Variants in BMPR1B observed in about 807,000 individuals in gnomAD.
BMPR1B encodes the protein bone morphogenetic protein receptor type 1B, also known as bone morphogenetic protein receptor type-1B.
BMPR1B carries 12 observed loss-of-function variants against 59.1 expected under a neutral mutation model. The observed-to-expected ratio is 0.20, with a 90% CI of 0.13 to 0.33. The LOEUF is 0.33. Ranked by LOEUF, BMPR1B falls within the 10% of genes least tolerant of loss-of-function variation. BMPR1B has a pLI of 1.00. For synonymous variants in BMPR1B, 237 were observed against 207.3 expected (o/e 1.14, Z -1.23); for missense variants, 550 against 610.9 (o/e 0.90, Z 1.05).
intron 3 of BMPR1B, among the ~76,000 whole-genome samples, chr4:95,046,275 C>G (rs1291495604): frequency 6.6e-6 from 1 of 152,132 alleles, no homozygotes; most frequent in Admixed American, 6.5e-5. Context: ...AATGATCACA[C>G]TGTTTGTGAC....
chr4:94,787,751 C>T (rs1390890355), intron 1 of BMPR1B, among the ~76,000 whole-genome samples: 2 of 152,102 alleles, frequency 1.3e-5, no homozygotes, highest in East Asian at 1.9e-4. Context: ...GGGCTCTAGG[C>T]GAGAACTTAG....
At chr4:94,820,192 T>C (rs1724153897) in intron 1 of BMPR1B, among the ~76,000 whole-genome samples, 1 of 152,184 alleles carries the variant, frequency 6.6e-6, no homozygotes, top group Admixed American at 6.5e-5. Flanking sequence ...AGAGAAAGAA[T>C]TTTCTAGGGT....
At chr4:94,903,001 C>T (rs943275657) in intron 2 of BMPR1B, among the ~76,000 whole-genome samples, 2 of 152,000 alleles carry the variant, frequency 1.3e-5, no homozygotes, top group African/African-American at 2.4e-5. Context: ...ATGCTTGGCA[C>T]ATAGCAGGGT....
chr4:95,085,664 G>T (rs1162364669), intron 3 of BMPR1B, among the ~76,000 whole-genome samples: 1 of 152,178 alleles, frequency 6.6e-6, no homozygotes, highest in African/African-American at 2.4e-5. Context: ...TGGGAAACTT[G>T]ATATGTGTAA....
chr4:94,811,634 G>A (rs946135187), intron 1 of BMPR1B, among the ~76,000 whole-genome samples: 1 of 152,124 alleles, frequency 6.6e-6, no homozygotes, highest in Non-Finnish European at 1.5e-5. Context: ...ACAAATGCTT[G>A]AGTACAAAAT....
intron 2 of BMPR1B, among the ~76,000 whole-genome samples, chr4:94,877,533 G>A (rs1196253078): frequency 6.6e-6 from 1 of 152,214 alleles, no homozygotes; most frequent in Non-Finnish European, 1.5e-5. Flanking sequence ...AAGAGAGAAC[G>A]AGCGGGTGCC....
chr4:95,072,417 A>G (rs1728375899), intron 3 of BMPR1B, among the ~76,000 whole-genome samples: 5 of 152,174 alleles, frequency 3.3e-5, no homozygotes, highest in Admixed American at 2.6e-4. Context: ...GTTCATTCAC[A>G]TTTATTCAAT....
At chr4:94,899,190 T>C (rs1369829784) in intron 2 of BMPR1B, among the ~76,000 whole-genome samples, 1 of 151,966 alleles carries the variant, frequency 6.6e-6, no homozygotes, top group African/African-American at 2.4e-5. Context: ...TGCCTCCCTC[T>C]CATGAGGACA....
At chr4:94,944,123 T>C (rs1037457206) in intron 2 of BMPR1B, among the ~76,000 whole-genome samples, 7 of 152,144 alleles carry the variant, frequency 4.6e-5, no homozygotes, top group African/African-American at 1.7e-4. Flanking sequence ...CATAAATGAA[T>C]TTCATGTTTA....
At chr4:94,877,212 C>T (rs1195448615) in intron 2 of BMPR1B, among the ~76,000 whole-genome samples, 1 of 152,048 alleles carries the variant, frequency 6.6e-6, no homozygotes, top group East Asian at 1.9e-4. Flanking sequence ...GGGAGTAAGC[C>T]AGAAATAATT....
intron 2 of BMPR1B, among the ~76,000 whole-genome samples, chr4:94,981,101 C>T (rs540831256): frequency 6.6e-6 from 1 of 152,154 alleles, no homozygotes; most frequent in African/African-American, 2.4e-5. Context: ...TTGTCTACTA[C>T]CTTGAAATTC....
At chr4:94,764,760 A>G (rs1721907966) in intron 1 of BMPR1B, among the ~76,000 whole-genome samples, 1 of 152,114 alleles carries the variant, frequency 6.6e-6, no homozygotes, top group Non-Finnish European at 1.5e-5. Flanking sequence ...GATAGTCTGT[A>G]TATCTTCTAT....
intron 1 of BMPR1B, among the ~76,000 whole-genome samples, chr4:94,846,659 T>G (rs551249589): frequency 1.6e-4 from 25 of 152,290 alleles, no homozygotes; most frequent in African/African-American, 6.0e-4. Flanking sequence ...TGGGACCTTG[T>G]GATCATGTGA....
At chr4:95,031,974 A>T (rs1724892188) in intron 3 of BMPR1B, among the ~76,000 whole-genome samples, 1 of 152,072 alleles carries the variant, frequency 6.6e-6, no homozygotes, top group Admixed American at 6.6e-5. Context: ...CATCTTAATC[A>T]TTTATGTTAC....
intron 2 of BMPR1B, among the ~76,000 whole-genome samples, chr4:94,954,613 G>T (rs1308182268): frequency 6.6e-6 from 1 of 152,128 alleles, no homozygotes; most frequent in East Asian, 1.9e-4. Flanking sequence ...GAGAGCCTGC[G>T]GTCCTGGTTT....
intron 1 of BMPR1B, among the ~76,000 whole-genome samples, chr4:94,788,329 G>A (rs1376514842): frequency 6.6e-6 from 1 of 152,166 alleles, no homozygotes; most frequent in Admixed American, 6.5e-5. Flanking sequence ...TAAGGTTATT[G>A]CTACATACTG....
chr4:94,795,439 T>G (rs1560488339), intron 1 of BMPR1B, among the ~76,000 whole-genome samples: 1 of 152,148 alleles, frequency 6.6e-6, no homozygotes, highest in Non-Finnish European at 1.5e-5. Flanking sequence ...TGAAACATTT[T>G]TTTTTTTCAA....
chr4:94,813,159 A>G (rs1723884899), intron 1 of BMPR1B, among the ~76,000 whole-genome samples: 1 of 152,156 alleles, frequency 6.6e-6, no homozygotes, highest in African/African-American at 2.4e-5. Context: ...GGCCACATGG[A>G]GTTTATATTT....
chr4:94,762,227 CTG>C (rs10605639), intron 1 of BMPR1B, among the ~76,000 whole-genome samples: 6,371 of 152,248 alleles, frequency 0.042, 251 homozygotes, highest in African/African-American at 0.1. Flanking sequence ...TGTGGGGACA[CTG>C]TGACTATAAG....
Sources: gnomAD v4.1 joint callset for allele counts (sites outside exome capture counted in the v4.1 genomes callset) on GRCh38, gnomAD v4.1.1 for gene constraint, MANE v1.5 for transcripts, NCBI Gene and HGNC (gene_info 2026-07-23, HGNC 2026-07-21) for gene names.